The following TMEM165 variants were observed in gnomAD, a reference collection of about 807,000 sequenced individuals.
TMEM165 encodes putative divalent cation/proton antiporter TMEM165.
Under a neutral mutation model 30.0 loss-of-function variants are expected in TMEM165, and 19 were observed. That is an observed-to-expected ratio of 0.63 (90% CI 0.44 to 0.93). The LOEUF is 0.93. Ranked by LOEUF, TMEM165 falls within the 40% of genes least tolerant of loss-of-function variation. TMEM165 has a pLI of 0.00. For missense variants in TMEM165, 340 were observed against 417.0 expected, an observed-to-expected ratio of 0.82 and a Z score of 1.61; for synonymous variants, 168 against 162.9, an observed-to-expected ratio of 1.03 and a Z score of -0.24.
chr4:55,404,591 A>G (rs1404363187), intron 1 of TMEM165, among the ~76,000 whole-genome samples: 3 of 148,428 alleles, frequency 2.0e-5, no homozygotes, highest in African/African-American at 7.9e-5. Context: ...ACACCTGGCT[A>G]ATTTTATTTA....
In TMEM165 at chr4:55,417,143, A is replaced by G; in HGVS notation, c.505A>G (p.Ile169Val). The G allele has an allele frequency of 1.9e-6, 3 of 1,613,994 alleles. No individual in the cohort carries two copies. Among genetic ancestry groups the G allele is most frequent in the Non-Finnish European group, 1.7e-6 (2 of 1,180,012 alleles). The change falls in exon 3 of 6, where the codon ATT (isoleucine) becomes GTT (valine). Residue 169 changes from isoleucine to valine, a missense_variant. By Grantham distance (29) the Ile-to-Val change is conservative. Transcript: ENST00000381334. ...TYYVSTVLFAIFGIRMLREGL... is the reference protein window; with the variant it reads ...TYYVSTVLFAVFGIRMLREGL... ...CTATGTTTCAACTGTATTATTTGCC[A>G]TTTTTGGCATTAGAATGCTTCGGGA...
At position 55,410,422 on chromosome 4, in the gene TMEM165, CT is replaced by C. The variant is rs1407604241; in HGVS notation, c.208-1183del. ...CTTTTTCATTAGGCCACTTTACCTT[CT>C]TTTTTTTTGAGACAGAGTTTCACTC... is the stretch of plus-strand genomic sequence containing the variant. On this transcript the variant is annotated intron_variant, in intron 1 of 5. Coordinates refer to ENST00000381334, the MANE Select transcript of TMEM165 (RefSeq NM_018475.5). 4.6e-5 allele frequency among the ~76,000 whole-genome samples: 7 copies of C among 151,610 alleles called. No individual in the cohort carries two copies. The East Asian group carries it at 7.8e-4, about 17-fold the overall frequency.
intron 3 of TMEM165, among the ~76,000 whole-genome samples, chr4:55,437,298 G>A (rs1337717289): frequency 6.6e-6 from 1 of 152,134 alleles, no homozygotes; most frequent in Non-Finnish European, 1.5e-5. Flanking sequence ...CCCAGAAATT[G>A]ATGATAAGTG....
intron 3 of TMEM165, among the ~76,000 whole-genome samples, chr4:55,450,412 T>C (rs1724328684): frequency 6.6e-6 from 1 of 152,208 alleles, no homozygotes; most frequent in Non-Finnish European, 1.5e-5. Flanking sequence ...AAGTTTTGGC[T>C]TCATTTTCTA....
chr4:55,431,878 C>T (rs1405809732), intron 3 of TMEM165: 1 of 152,198 alleles, frequency 6.6e-6, no homozygotes, highest in Non-Finnish European at 1.5e-5. Flanking sequence ...TCTAAGGCTT[C>T]CTGAACAAGG....
At chr4:55,442,422 T>C (rs763558900) in intron 3 of TMEM165, 17 of 1,604,042 alleles carry the variant, frequency 1.1e-5, no homozygotes, top group Non-Finnish European at 1.4e-5. Context: ...AAATGAAATA[T>C]GACAACTACC....
intron 3 of TMEM165, chr4:55,434,307 A>G (rs1577659607): frequency 6.6e-6 from 1 of 152,662 alleles, no homozygotes; most frequent in Non-Finnish European, 1.5e-5. Context: ...AACAAATCCC[A>G]AAAGTTAAAA....
chr4:55,435,307 G>T, intron 3 of TMEM165: 1 of 1,277,876 alleles, frequency 7.8e-7, no homozygotes, highest in Non-Finnish European at 1.1e-6. Flanking sequence ...ACTCAATACT[G>T]CATCTCATGA....
In TMEM165 at chr4:55,425,566, TTG is replaced by T; in HGVS notation, c.*117_*118del. On this transcript the variant is annotated 3_prime_UTR_variant, in exon 6 of 6. Transcript: ENST00000381334. ...AATACTGTATTTTGTAGCACTGATT[TTG>T]TGAGTTTGACCCATTATTATGTCTG... 1.2e-6 allele frequency: 1 copy of T among 804,114 alleles called. No homozygotes were observed. The highest frequency in any genetic ancestry group is 2.7e-5 in the East Asian group (1 of 37,158). 49.8% of individuals were successfully genotyped at this position (804,114 alleles called of 1,614,324 possible). A position where few individuals can be genotyped will look rare whatever the true frequency, so the allele number is the denominator to read the frequency against.
rs1410431146 is a variant in TMEM165 at position 55,396,288 on chromosome 4, C to T, written c.99C>T (p.Ala33=). The stretch of plus-strand genomic sequence containing the variant: ...TGTGGGCCCCGGCTGCGGTCCGGGC[C>T]GGCCCAGATGAAGACCTTAGCCACC... ...PLLWAPAAVR[A]GPDEDLSHRN... Residue 33 remains alanine, a synonymous_variant, in exon 1 of 6, where the codon GCC becomes GCT. Coordinates refer to ENST00000381334, the MANE Select transcript of TMEM165 (RefSeq NM_018475.5). The T allele has an allele frequency of 2.6e-6, 4 of 1,528,502 alleles. No homozygotes were observed. Among genetic ancestry groups the T allele is most frequent in the Admixed American group, 2.0e-5 (1 of 50,466 alleles). 94.7% of individuals were successfully genotyped at this position (1,528,502 alleles called of 1,614,324 possible).
rs1721504941 is a variant in TMEM165, at chr4:55,411,693, C to A, written c.287C>A (p.Ala96Glu). ...ATQTNLGFIH[A>E]FVAAISVIIV... is the part of the protein sequence containing the mutation. The stretch of plus-strand genomic sequence containing the variant: ...CAAACTAATTTGGGATTTATCCATG[C>A]ATTTGTCGCTGCCATATCAGTTATT... The change falls in exon 2 of 6, where the codon GCA becomes GAA. Residue 96 changes from alanine to glutamate, a missense_variant. Ala to Glu is a moderately radical substitution (Grantham distance 107, BLOSUM62 -1). This residue lies in a region of TMEM165 where 220 missense variants were observed against 307.6 expected (regional missense o/e 0.72). Coordinates refer to ENST00000381334, the MANE Select transcript of TMEM165 (RefSeq NM_018475.5). 2 of 1,613,978 alleles carry A rather than the reference C, an allele frequency of 1.2e-6. No homozygotes were observed. The highest frequency in any genetic ancestry group is 8.5e-7 in the Non-Finnish European group (1 of 1,180,028).
At position 55,411,738 on chromosome 4, in the gene TMEM165, A is replaced by G; in HGVS notation, c.332A>G (p.Asp111Gly). 1.2e-6 allele frequency: 2 copies of G among 1,614,224 alleles called. No individual in the cohort carries two copies. The highest frequency in any genetic ancestry group is 1.7e-6 in the Non-Finnish European group (2 of 1,180,046). Reference protein sequence around the residue: ...ISVIIVSELGDKTFFIAAIMA... With the variant: ...ISVIIVSELGGKTFFIAAIMA... The stretch of plus-strand genomic sequence containing the variant: ...GTTATTATTGTATCTGAATTGGGTG[A>G]TAAGACATTTTTTATAGCAGCCATC... Residue 111 changes from aspartate to glycine, a missense_variant, in exon 2 of 6, where the codon GAT becomes GGT. Asp to Gly is a moderately conservative substitution (Grantham distance 94, BLOSUM62 -1). Around this residue, in one of 2 missense-constraint regions of TMEM165, gnomAD observed 220 missense variants for 307.6 expected, o/e 0.72. Transcript: ENST00000381334.
At chr4:55,449,018 T>G in intron 3 of TMEM165, 1 of 669,506 alleles carries the variant, frequency 1.5e-6, no homozygotes. Context: ...TTCTCATCTA[T>G]ATTGGAAAGG....
intron 3 of TMEM165, among the ~76,000 whole-genome samples, chr4:55,446,101 CTTTTT>C (rs766235766): frequency 3.7e-5 from 4 of 107,348 alleles, no homozygotes; most frequent in Non-Finnish European, 3.7e-5. Flanking sequence ...AATTTAACTT[CTTTTT>C]TTTTTTTTTT....
chr4:55,398,594 T>A lies in TMEM165; in HGVS notation c.207+2198T>A, dbSNP rs192977557. Among the ~76,000 whole-genome samples the A allele has an allele frequency of 2.6e-5, 4 of 152,302 alleles. No homozygotes were observed. In the East Asian group the frequency reaches 7.7e-4, roughly 29 times the overall value. The stretch of plus-strand genomic sequence containing the variant: ...AGCCTAGCTTTCTCTTTCTCCTTTT[T>A]TGGGAACTTTATTGTGTATGTTGTG... On this transcript the variant is annotated intron_variant, in intron 1 of 5. Transcript: ENST00000381334.
chr4:55,408,595 A>C (rs571862625), intron 1 of TMEM165, among the ~76,000 whole-genome samples: 1 of 152,312 alleles, frequency 6.6e-6, no homozygotes, highest in African/African-American at 2.4e-5. Flanking sequence ...TCATTGATCA[A>C]ATTGTCATCA....
At chr4:55,413,019 A>T (rs1397467387) in intron 2 of TMEM165, among the ~76,000 whole-genome samples, 1 of 151,762 alleles carries the variant, frequency 6.6e-6, no homozygotes, top group Non-Finnish European at 1.5e-5. Context: ...TTGCTCTATC[A>T]CTCAGGCTGG....
At chr4:55,421,071 A>G (rs866182323) in intron 4 of TMEM165, among the ~76,000 whole-genome samples, 24 of 147,972 alleles carry the variant, frequency 1.6e-4, no homozygotes, top group African/African-American at 5.7e-4. Context: ...AGTCCCAGCT[A>G]CTCGGGAGGC....
chr4:55,430,269 C>A (rs1560402827), downstream of TMEM165: 1 of 152,086 alleles, frequency 6.6e-6, no homozygotes, highest in Non-Finnish European at 1.5e-5. Flanking sequence ...ATATCCTATT[C>A]CACTAAATAA....
Sources: allele counts gnomAD v4.1 joint callset (sites outside exome capture counted in the v4.1 genomes callset), GRCh38; gene constraint gnomAD v4.1.1; regional missense constraint gnomAD v4.1.1; transcripts MANE v1.5; gene names NCBI Gene and HGNC (gene_info 2026-07-23, HGNC 2026-07-21).